Variants in PCCA observed in about 807,000 individuals in gnomAD.
PCCA encodes the protein propionyl-CoA carboxylase alpha chain, mitochondrial.
Under a neutral mutation model 101.3 loss-of-function variants are expected in PCCA, and 74 were observed. That is an observed-to-expected ratio of 0.73 (90% CI 0.61 to 0.89). PCCA has a LOEUF of 0.89. Ranked by LOEUF, PCCA falls within the 40% of genes least tolerant of loss-of-function variation. PCCA has a pLI of 0.00. For missense variants in PCCA, 891 were observed against 907.0 expected, an observed-to-expected ratio of 0.98 and a Z score of 0.23; for synonymous variants, 294 against 313.6, an observed-to-expected ratio of 0.94 and a Z score of 0.66.
chr13:100,526,758 T>A (rs837333), intron 22 of PCCA, among the ~76,000 whole-genome samples: 1 of 152,154 alleles, frequency 6.6e-6, no homozygotes, highest in African/African-American at 2.4e-5. Flanking sequence ...GCGAAGTGAG[T>A]GCGCAGCATG....
intron 8 of PCCA, among the ~76,000 whole-genome samples, chr13:100,244,555 G>T (rs1350154859): frequency 6.6e-6 from 1 of 152,004 alleles, no homozygotes; most frequent in African/African-American, 2.4e-5. Context: ...GTTGGAAAAG[G>T]CTGTGCATAA....
At chr13:100,107,129 C>A (rs963204591) in intron 2 of PCCA, among the ~76,000 whole-genome samples, 1 of 152,134 alleles carries the variant, frequency 6.6e-6, no homozygotes, top group Non-Finnish European at 1.5e-5. Context: ...AATTGATTCT[C>A]GTTTGAATCT....
chr13:100,530,267 A>G lies in PCCA; in HGVS notation c.*101A>G. 1 of 943,944 alleles carries G rather than the reference A, an allele frequency of 1.1e-6. No homozygotes were observed. Among genetic ancestry groups the G allele is most frequent in the Non-Finnish European group, 1.7e-6 (1 of 582,680 alleles). The allele number at this position is 943,944 out of a possible 1,614,324, so 58.5% of individuals were successfully genotyped here. A position where few individuals can be genotyped will look rare whatever the true frequency, so the allele number is the denominator to read the frequency against. Reference sequence around the variant, plus strand: ...GCATTATACAGGAACACCCCTGTGCAGCTACGTTTACGTCGTCATTTATTC... The same window carrying G: ...GCATTATACAGGAACACCCCTGTGCGGCTACGTTTACGTCGTCATTTATTC... On this transcript the variant is annotated 3_prime_UTR_variant, in exon 24 of 24. Transcript: ENST00000376285.
intron 21 of PCCA, among the ~76,000 whole-genome samples, chr13:100,455,633 A>G (rs1299173699): frequency 6.6e-6 from 1 of 152,118 alleles, no homozygotes; most frequent in Admixed American, 6.5e-5. Flanking sequence ...TTGTGCTGTA[A>G]TTCTCACTAC....
chr13:100,334,065 GC>G (rs1163329401), intron 17 of PCCA, among the ~76,000 whole-genome samples: 1 of 152,144 alleles, frequency 6.6e-6, no homozygotes, highest in African/African-American at 2.4e-5. Context: ...AAAGATGTAA[GC>G]AAAGTATCTT....
At chr13:100,381,470 G>T (rs2076224139) in intron 19 of PCCA, among the ~76,000 whole-genome samples, 1 of 152,098 alleles carries the variant, frequency 6.6e-6, no homozygotes, top group Admixed American at 6.6e-5. Flanking sequence ...GTAAAAGGGT[G>T]CAGCTGCTTT....
At chr13:100,176,680 T>C (rs565885036) in intron 6 of PCCA, among the ~76,000 whole-genome samples, 55 of 152,364 alleles carry the variant, frequency 3.6e-4, no homozygotes, top group Admixed American at 5.2e-4. Context: ...TTTATTATTT[T>C]ACTGTAAATC....
intron 13 of PCCA, 77 bp downstream of exon 13, chr13:100,301,680 G>A: frequency 6.7e-7 from 1 of 1,496,932 alleles, no homozygotes; most frequent in Non-Finnish European, 9.3e-7. Flanking sequence ...AAACAATGAG[G>A]TAAAGTTAGG....
intron 19 of PCCA, among the ~76,000 whole-genome samples, chr13:100,370,265 A>G (rs1394272917): frequency 4.0e-5 from 6 of 151,386 alleles, no homozygotes; most frequent in African/African-American, 7.3e-5. Context: ...TTGTATTTTT[A>G]GTAGAGATGG....
In PCCA at chr13:100,332,833, A is replaced by T. The variant is rs372406602; in HGVS notation, c.1540+2162A>T. Among the ~76,000 whole-genome samples, 9 of 152,328 alleles carry T rather than the reference A, an allele frequency of 5.9e-5. No individual in the cohort carries two copies. In the South Asian group the frequency reaches 1.0e-3, roughly 18 times the overall value. On this transcript the variant is annotated intron_variant, in intron 17 of 23. Transcript: ENST00000376285. ...GCTTAGACCAATTTTTAAAATTGGC[A>T]TACATTGCTTTTAGCAATTATTTAG...
chr13:100,105,809 TC>T (rs1186054560), intron 2 of PCCA, among the ~76,000 whole-genome samples: 3 of 119,788 alleles, frequency 2.5e-5, no homozygotes, highest in African/African-American at 9.9e-5. Flanking sequence ...ACCACTGTAC[TC>T]CAGACTGCTA....
At chr13:100,461,390 C>T (rs1261749101) in intron 21 of PCCA, among the ~76,000 whole-genome samples, 4 of 152,148 alleles carry the variant, frequency 2.6e-5, no homozygotes, top group Non-Finnish European at 5.9e-5. Flanking sequence ...TTTAATAGAG[C>T]AGACTCCCAT....
chr13:100,117,839 G>A (rs1594182685), intron 4 of PCCA, among the ~76,000 whole-genome samples: 3 of 152,154 alleles, frequency 2.0e-5, no homozygotes, highest in Non-Finnish European at 2.9e-5. Context: ...AAAAGAGGCC[G>A]GGCGTAGTGG....
chr13:100,341,538 C>T (rs1234384954), intron 18 of PCCA, among the ~76,000 whole-genome samples: 2 of 152,136 alleles, frequency 1.3e-5, no homozygotes, highest in Admixed American at 6.6e-5. Flanking sequence ...TCCATAGCCA[C>T]GCGTGGTTAG....
At chr13:100,364,994 A>G (rs1362236685) in intron 18 of PCCA, among the ~76,000 whole-genome samples, 1 of 152,162 alleles carries the variant, frequency 6.6e-6, no homozygotes, top group Non-Finnish European at 1.5e-5. Flanking sequence ...GACTGCAGTG[A>G]GCTATGATTG....
chr13:100,374,792 A>G (rs559067577), intron 19 of PCCA, among the ~76,000 whole-genome samples: 2 of 152,312 alleles, frequency 1.3e-5, no homozygotes, highest in East Asian at 1.9e-4. Flanking sequence ...ATGATCCTGT[A>G]TATTGAATTG....
intron 9 of PCCA, among the ~76,000 whole-genome samples, chr13:100,260,423 G>A (rs1445642247): frequency 1.4e-5 from 2 of 148,084 alleles, no homozygotes; most frequent in Non-Finnish European, 1.5e-5. Context: ...TTGAGATGGA[G>A]TCTCGCTCTG....
chr13:100,306,635 T>C (rs188919545), intron 14 of PCCA, among the ~76,000 whole-genome samples: 191 of 122,292 alleles, frequency 1.6e-3, no homozygotes, highest in South Asian at 3.2e-3. Context: ...AAATCAGAAC[T>C]CTAATTGGGG....
In PCCA at chr13:100,453,694, A is replaced by T. The variant is rs533799140; in HGVS notation, c.1899+4389A>T. ...CTCTCAGTTCAGGGCCTGTTCCATC[A>T]GCAGGTGCCCTTCAATTTCACTCCC... is the stretch of plus-strand genomic sequence containing the variant. On this transcript the variant is annotated intron_variant, in intron 21 of 23. Transcript: ENST00000376285. Among the ~76,000 whole-genome samples the T allele has an allele frequency of 7.2e-5, 11 of 152,230 alleles. No homozygotes were observed. The East Asian group carries it at 2.1e-3, about 29-fold the overall frequency.
Sources: gnomAD v4.1 joint callset for allele counts (sites outside exome capture counted in the v4.1 genomes callset) on GRCh38, gnomAD v4.1.1 for gene constraint, MANE v1.5 for transcripts, NCBI Gene and HGNC (gene_info 2026-07-23, HGNC 2026-07-21) for gene names.